The following AK7 variants were observed in gnomAD, a reference collection of about 807,000 sequenced individuals.
AK7 encodes ATP-AMP transphosphorylase 7.
In AK7, 78 loss-of-function variants were observed where a neutral mutation model predicts 96.6. The ratio of observed to expected loss-of-function variants is 0.81; its 90% confidence interval spans 0.67 to 0.97. The LOEUF is 0.97. AK7 is among the 50% of genes least tolerant of loss of function. AK7 has a pLI of 0.00. For synonymous variants in AK7, 302 were observed against 317.2 expected (o/e 0.95, Z 0.51); for missense variants, 855 against 887.9 (o/e 0.96, Z 0.47).
At chr14:96,424,508 C>T (rs1891909852) in intron 5 of AK7, among the ~76,000 whole-genome samples, 1 of 152,168 alleles carries the variant, frequency 6.6e-6, no homozygotes, top group Non-Finnish European at 1.5e-5. Flanking sequence ...AAACCCCAAA[C>T]CCTCTGAAAG....
chr14:96,435,937 G>T (rs1892615105), intron 5 of AK7, among the ~76,000 whole-genome samples: 1 of 152,130 alleles, frequency 6.6e-6, no homozygotes, highest in South Asian at 2.1e-4. Context: ...GTTTTTTCTG[G>T]TTCTTCAGTG....
Position 96,398,562 on chromosome 14 carries a change from T to A in AK7, c.294+299T>A, listed in dbSNP as rs73349240. On this transcript the variant is annotated intron_variant, in intron 2 of 17. Transcript: ENST00000267584. ...TCTGCCTTGCATTATCCAAGACGAGTCTGTGCCATGATGGGTGCCATCTGT... is the reference window on the plus strand; with the variant it reads ...TCTGCCTTGCATTATCCAAGACGAGACTGTGCCATGATGGGTGCCATCTGT... The A allele has an allele frequency of 9.0e-3, 3,328 of 371,212 alleles. 104 individuals are homozygous for A. Among genetic ancestry groups the A allele is most frequent in the African/African-American group, 0.063 (3,065 of 48,604 alleles). The allele number at this position is 371,212 out of a possible 1,614,324, so 23.0% of individuals were successfully genotyped here.
chr14:96,422,355 A>G (rs557418983), intron 5 of AK7, among the ~76,000 whole-genome samples: 1 of 152,362 alleles, frequency 6.6e-6, no homozygotes, highest in Non-Finnish European at 1.5e-5. Context: ...AAAGCTGGTT[A>G]CAAACAATCC....
intron 2 of AK7, among the ~76,000 whole-genome samples, chr14:96,402,903 C>T (rs560372065): frequency 1.9e-4 from 29 of 151,488 alleles, no homozygotes; most frequent in Admixed American, 2.6e-4. Flanking sequence ...GCCAAGCGGG[C>T]GGATCACCTG....
In AK7 at chr14:96,489,299, A is replaced by G. The variant is rs796802412; in HGVS notation, c.*956A>G. 3.3e-5 allele frequency: 5 copies of G among 152,210 alleles called. No individual in the cohort carries two copies. The highest frequency in any genetic ancestry group is 9.6e-5 in the African/African-American group (4 of 41,528). 9.4% of individuals were successfully genotyped at this position (152,210 alleles called of 1,614,324 possible). A position where few individuals can be genotyped will look rare whatever the true frequency, so the allele number is the denominator to read the frequency against. On this transcript the variant is annotated 3_prime_UTR_variant, in exon 18 of 18. Transcript: ENST00000267584. ...AGTCCAGAACTTTCTCATCACCCCA[A>G]ATGGAAACCCAGCACCTATTAGGCA...
At chr14:96,468,516 C>T (rs1054841873) in intron 12 of AK7, among the ~76,000 whole-genome samples, 1 of 152,016 alleles carries the variant, frequency 6.6e-6, no homozygotes, top group African/African-American at 2.4e-5. Context: ...CCAGGATGGT[C>T]TCAATCTTCT....
intron 16 of AK7, 57 bp downstream of exon 16, chr14:96,483,276 TG>T: frequency 6.5e-7 from 1 of 1,526,824 alleles, no homozygotes; most frequent in Non-Finnish European, 8.9e-7. Flanking sequence ...GTGCGGTGCC[TG>T]GCAAAGCCAT....
Position 96,458,130 on chromosome 14 carries a change from C to T in AK7, c.1275C>T (p.Val425=), listed in dbSNP as rs113804344. ...ATGTAGGGGAAGGAGAAGAAGAAGTCGAAGAGGAAGAGGAGGAGGAGAATG... is the reference window on the plus strand; with the variant it reads ...ATGTAGGGGAAGGAGAAGAAGAAGTTGAAGAGGAAGAGGAGGAGGAGAATG... The part of the protein sequence containing the change: ...PNDVGEGEEE[V]EEEEEEENVE... Residue 425 remains valine, a synonymous_variant, in exon 12 of 18, where the codon GTC becomes GTT. Coordinates refer to ENST00000267584, the MANE Select transcript of AK7 (RefSeq NM_152327.5). 10 of 1,613,268 alleles carry T rather than the reference C, an allele frequency of 6.2e-6. No individual in the cohort carries two copies. The highest frequency in any genetic ancestry group is 1.3e-5 in the African/African-American group (1 of 74,680).
chr14:96,394,260 C>T (rs1207206491), intron 1 of AK7, among the ~76,000 whole-genome samples: 1 of 152,174 alleles, frequency 6.6e-6, no homozygotes, highest in Non-Finnish European at 1.5e-5. Flanking sequence ...GGGGGCAGTG[C>T]ACCAGGGCTT....
At chr14:96,437,298 T>C (rs1395968205) in intron 5 of AK7, among the ~76,000 whole-genome samples, 1 of 152,184 alleles carries the variant, frequency 6.6e-6, no homozygotes, top group African/African-American at 2.4e-5. Flanking sequence ...ATTGCATGCC[T>C]GTATCAAAAC....
chr14:96,446,366 C>T lies in AK7; in HGVS notation c.780-151C>T, dbSNP rs574359435. ...TCCTCATGTGGAGAATGCAGATAAC[C>T]ATCCCAACCCTGACCGTATTGAAAA... On this transcript the variant is annotated intron_variant, in intron 7 of 17. Transcript: ENST00000267584. 7.8e-5 allele frequency: 50 copies of T among 637,242 alleles called. No homozygotes were observed. In the African/African-American group the frequency reaches 8.9e-4, roughly 11 times the overall value. 39.5% of individuals were successfully genotyped at this position (637,242 alleles called of 1,614,324 possible).
intron 14 of AK7, among the ~76,000 whole-genome samples, chr14:96,477,563 A>G (rs1024039557): frequency 3.3e-5 from 5 of 152,220 alleles, no homozygotes; most frequent in Non-Finnish European, 5.9e-5. Context: ...TCACTGATCC[A>G]CACTTAAATC....
chr14:96,443,861 C>T (rs1893087652), intron 7 of AK7, among the ~76,000 whole-genome samples: 1 of 149,312 alleles, frequency 6.7e-6, no homozygotes, highest in Non-Finnish European at 1.5e-5. Context: ...GCAAGCTCTA[C>T]CTCCCAGGTT....
At chr14:96,430,579 G>A (rs1056285882) in intron 5 of AK7, among the ~76,000 whole-genome samples, 11 of 152,096 alleles carry the variant, frequency 7.2e-5, no homozygotes, top group African/African-American at 2.7e-4. Context: ...GATGGATTAC[G>A]TTTATTGATT....
In AK7 at chr14:96,488,857, G is replaced by A. The variant is rs1895919397; in HGVS notation, c.*514G>A. 6.8e-6 allele frequency: 1 copy of A among 147,678 alleles called. No individual in the cohort carries two copies. The highest frequency in any genetic ancestry group is 2.5e-5 in the African/African-American group (1 of 39,958). The allele number at this position is 147,678 out of a possible 1,614,324, so 9.1% of individuals were successfully genotyped here. A position where few individuals can be genotyped will look rare whatever the true frequency, so the allele number is the denominator to read the frequency against. On this transcript the variant is annotated 3_prime_UTR_variant, in exon 18 of 18. Coordinates refer to ENST00000267584, the MANE Select transcript of AK7 (RefSeq NM_152327.5). The stretch of plus-strand genomic sequence containing the variant: ...TTTTTTTTTTTTAAATGAAGCAATG[G>A]TTAGGGAAAGGTTGCTTTGAGTTCA...
At chr14:96,428,789 C>T (rs139820573) in intron 5 of AK7, among the ~76,000 whole-genome samples, 1,954 of 151,162 alleles carry the variant, frequency 0.013, 25 homozygotes, top group Non-Finnish European at 0.018. Context: ...TCATATCCTT[C>T]GCCCACTTTT....
intron 12 of AK7, among the ~76,000 whole-genome samples, chr14:96,463,096 C>T (rs1429362807): frequency 6.6e-6 from 1 of 151,988 alleles, no homozygotes; most frequent in African/African-American, 2.4e-5. Context: ...GAGATTGTGC[C>T]ATTGCAATCC....
At chr14:96,418,166 C>A (rs915393620) in intron 4 of AK7, among the ~76,000 whole-genome samples, 8 of 125,018 alleles carry the variant, frequency 6.4e-5, no homozygotes, top group African/African-American at 2.0e-4. Flanking sequence ...TTACACAAAA[C>A]AATTTTTTTT....
chr14:96,478,395 G>T (rs1169568411), intron 14 of AK7, 70 bp from the exon 15 acceptor site: 82 of 1,519,210 alleles, frequency 5.4e-5, no homozygotes, highest in Non-Finnish European at 7.4e-5. Context: ...AGGGGGCCAT[G>T]CGTTCTCCAG....
Sources: gnomAD v4.1 joint callset for allele counts (sites outside exome capture counted in the v4.1 genomes callset) on GRCh38, gnomAD v4.1.1 for gene constraint, MANE v1.5 for transcripts, NCBI Gene and HGNC (gene_info 2026-07-23, HGNC 2026-07-21) for gene names.